The following GDPD1 variants were observed in gnomAD, a reference collection of about 807,000 sequenced individuals.
GDPD1 encodes the protein lysophospholipase D GDPD1.
GDPD1 carries 28 observed loss-of-function variants against 45.1 expected under a neutral mutation model. That is an observed-to-expected ratio of 0.62 (90% CI 0.46 to 0.85). The LOEUF is 0.85. Ranked by LOEUF, GDPD1 falls within the 40% of genes least tolerant of loss-of-function variation. GDPD1 has a pLI of 0.00. For synonymous variants in GDPD1, 139 were observed against 131.4 expected, an observed-to-expected ratio of 1.06 and a Z score of -0.40; for missense variants, 256 against 364.8, an observed-to-expected ratio of 0.70 and a Z score of 2.43.
chr17:59,270,302 T>G (rs980916498), intron 7 of GDPD1, among the ~76,000 whole-genome samples: 4 of 151,870 alleles, frequency 2.6e-5, no homozygotes, highest in Admixed American at 1.3e-4. Context: ...CAAGCAGTTC[T>G]CCTGTCTCCG....
intron 4 of GDPD1, among the ~76,000 whole-genome samples, chr17:59,255,002 C>G (rs375980615): frequency 8.8e-4 from 134 of 152,286 alleles, no homozygotes; most frequent in African/African-American, 3.1e-3. Context: ...TAACCCAGAG[C>G]CCCATCAGAA....
intron 1 of GDPD1, among the ~76,000 whole-genome samples, chr17:59,233,394 C>T (rs1181121450): frequency 6.6e-6 from 1 of 151,826 alleles, no homozygotes; most frequent in Non-Finnish European, 1.5e-5. Flanking sequence ...CGCCTGTAGT[C>T]CCAGCTACTC....
rs201170010 is a variant in GDPD1 at position 59,245,687 on chromosome 17, T to TA, written c.321+144dup. 915 of 651,776 alleles carry TA rather than the reference T, an allele frequency of 1.4e-3. 13 individuals are homozygous for TA. The African/African-American group carries it at 0.015, about 11-fold the overall frequency. The allele number at this position is 651,776 out of a possible 1,614,324, so 40.4% of individuals were successfully genotyped here. A position where few individuals can be genotyped will look rare whatever the true frequency, so the allele number is the denominator to read the frequency against. On this transcript the variant is annotated intron_variant, in intron 3 of 9. Coordinates refer to ENST00000284116, the MANE Select transcript of GDPD1 (RefSeq NM_182569.4). ...AAATACTAAACATCAAAGGAAATTT[T>TA]AAAAAACTACTTTGAGGCCAACTGT... is the stretch of plus-strand genomic sequence containing the variant.
At chr17:59,254,843 C>G (rs2047284130) in intron 4 of GDPD1, among the ~76,000 whole-genome samples, 1 of 152,102 alleles carries the variant, frequency 6.6e-6, no homozygotes, top group Non-Finnish European at 1.5e-5. Context: ...GAGATGAACT[C>G]TTGGCAGCTT....
intron 3 of GDPD1, 22 bp from the exon 4 acceptor site, chr17:59,248,718 T>C: frequency 6.4e-7 from 1 of 1,556,986 alleles, no homozygotes; most frequent in Non-Finnish European, 8.7e-7. Flanking sequence ...TTAACTTTTT[T>C]TTCAATCATA....
In GDPD1 at chr17:59,273,951, A is replaced by G. The variant is rs183004933; in HGVS notation, c.*178A>G. ...TATATTATATGTATATTTATTTTAA[A>G]TAATATTGTATATTTTATGTTTGTA... On this transcript the variant is annotated 3_prime_UTR_variant, in exon 10 of 10. Transcript: ENST00000284116. 3.5e-5 allele frequency: 26 copies of G among 751,016 alleles called. No individual in the cohort carries two copies. In the East Asian group the frequency reaches 1.8e-3, roughly 53 times the overall value. The allele number at this position is 751,016 out of a possible 1,614,324, so 46.5% of individuals were successfully genotyped here.
chr17:59,223,678 C>T (rs2047023497), intron 1 of GDPD1, among the ~76,000 whole-genome samples: 1 of 152,148 alleles, frequency 6.6e-6, no homozygotes, highest in African/African-American at 2.4e-5. Flanking sequence ...ACCATTGAAA[C>T]ATTAATCATG....
chr17:59,265,441 G>A (rs970745369), intron 6 of GDPD1, among the ~76,000 whole-genome samples: 1 of 151,898 alleles, frequency 6.6e-6, no homozygotes, highest in Non-Finnish European at 1.5e-5. Context: ...GGGAGTCTGA[G>A]GTGTGGGATC....
chr17:59,245,159 A>T lies in GDPD1; in HGVS notation c.186-255A>T, dbSNP rs528246405. 3.9e-4 allele frequency among the ~76,000 whole-genome samples: 60 copies of T among 152,356 alleles called. No individual in the cohort carries two copies. The highest frequency in any genetic ancestry group is 1.4e-3 in the Admixed American group (21 of 15,292). On this transcript the variant is annotated intron_variant, in intron 2 of 9. Coordinates refer to ENST00000284116, the MANE Select transcript of GDPD1 (RefSeq NM_182569.4). ...AATTAATATCAAATCTCTTAACTTC[A>T]GATTCAGTATTCTGTCTATTATATT... is the stretch of plus-strand genomic sequence containing the variant.
chr17:59,236,987 T>A (rs1189765945), intron 2 of GDPD1, among the ~76,000 whole-genome samples: 1 of 152,224 alleles, frequency 6.6e-6, no homozygotes, highest in East Asian at 1.9e-4. Context: ...TTTTTAAAAT[T>A]GTAGTTCAAA....
rs571907324 is a variant in GDPD1, at chr17:59,269,479, C to A, written c.711-1457C>A. ...AATAGAAAACGCTTCTTGTCTACCCCCCCCCCCAAAAAACACCCTATTTTA... is the reference window on the plus strand; with the variant it reads ...AATAGAAAACGCTTCTTGTCTACCCACCCCCCCAAAAAACACCCTATTTTA... On this transcript the variant is annotated intron_variant, in intron 7 of 9. Coordinates refer to ENST00000284116, the MANE Select transcript of GDPD1 (RefSeq NM_182569.4). 2.7e-3 allele frequency among the ~76,000 whole-genome samples: 399 copies of A among 145,092 alleles called. 3 individuals are homozygous for A. The Middle Eastern group carries it at 0.042, about 15-fold the overall frequency.
intron 1 of GDPD1, 101 bp from the exon 2 acceptor site, chr17:59,234,391 A>C: frequency 1.3e-6 from 1 of 747,874 alleles, no homozygotes; most frequent in South Asian, 1.7e-5. Context: ...TACCCCCAAA[A>C]AAAAAAAAAA....
chr17:59,250,532 C>A (rs189867354), intron 4 of GDPD1, among the ~76,000 whole-genome samples: 63 of 149,244 alleles, frequency 4.2e-4, no homozygotes, highest in African/African-American at 1.4e-3. Flanking sequence ...GGGAGAATCC[C>A]TTGAGCCCAG....
rs1330483162 is a variant in GDPD1 at position 59,274,025 on chromosome 17, A to T, written c.*252A>T. The T allele has an allele frequency of 2.7e-6, 2 of 728,874 alleles. No individual in the cohort carries two copies. Among genetic ancestry groups the T allele is most frequent in the Admixed American group, 1.2e-4 (2 of 16,178 alleles). 45.2% of individuals were successfully genotyped at this position (728,874 alleles called of 1,614,324 possible). ...TATGAGATGTAAGTTTTAATTTCTT[A>T]ATGTGCATTTTTGTTTCTAGATCTT... On this transcript the variant is annotated 3_prime_UTR_variant, in exon 10 of 10. Coordinates refer to ENST00000284116, the MANE Select transcript of GDPD1 (RefSeq NM_182569.4).
chr17:59,237,962 TA>T (rs61080306), intron 2 of GDPD1, among the ~76,000 whole-genome samples: 17,620 of 85,864 alleles, frequency 0.21, 1,508 homozygotes, highest in African/African-American at 0.33. Flanking sequence ...GACTCCGTCT[TA>T]AAAAAAAAAA....
intron 4 of GDPD1, among the ~76,000 whole-genome samples, chr17:59,253,777 A>G (rs1395550890): frequency 6.6e-6 from 1 of 152,140 alleles, no homozygotes; most frequent in Non-Finnish European, 1.5e-5. Context: ...TGATTGGCCC[A>G]GCTTGGGTCA....
intron 1 of GDPD1, among the ~76,000 whole-genome samples, chr17:59,228,129 G>T (rs1337684194): frequency 7.3e-6 from 1 of 137,020 alleles, no homozygotes; most frequent in African/African-American, 2.9e-5. Flanking sequence ...CCGAGATTGT[G>T]CCACTGCACT....
intron 7 of GDPD1, among the ~76,000 whole-genome samples, chr17:59,270,238 G>A: frequency 6.6e-6 from 1 of 151,462 alleles, no homozygotes; most frequent in East Asian, 1.9e-4. Flanking sequence ...TTGTCACCCA[G>A]GCTGGAGTGC....
rs569411629 is a variant in GDPD1, at chr17:59,231,528, A to G, written c.143-2964A>G. ...TTTTTAGTAGAGACGGGGTTTCACCATGTTAGCCAGGATGGTCTCAATCTC... is the reference window on the plus strand; with the variant it reads ...TTTTTAGTAGAGACGGGGTTTCACCGTGTTAGCCAGGATGGTCTCAATCTC... On this transcript the variant is annotated intron_variant, in intron 1 of 9. Coordinates refer to ENST00000284116, the MANE Select transcript of GDPD1 (RefSeq NM_182569.4). Among the ~76,000 whole-genome samples, 16 of 151,792 alleles carry G rather than the reference A, an allele frequency of 1.1e-4. No homozygotes were observed. In the East Asian group the frequency reaches 2.9e-3, roughly 28 times the overall value.
Sources: allele counts gnomAD v4.1 joint callset (sites outside exome capture counted in the v4.1 genomes callset), GRCh38; gene constraint gnomAD v4.1.1; transcripts MANE v1.5; gene names NCBI Gene and HGNC (gene_info 2026-07-23, HGNC 2026-07-21).